The following NDST4 variants were observed in gnomAD, a reference collection of about 807,000 sequenced individuals.
NDST4 encodes the protein N-heparan sulfate sulfotransferase 4.
A neutral mutation model predicts 100.8 loss-of-function variants in NDST4; 63 were observed. The observed-to-expected ratio is 0.62, with a 90% CI of 0.51 to 0.77. The LOEUF (loss-of-function observed/expected upper bound fraction) is 0.77, where lower values mean the gene tolerates loss of function less well. Ranked by LOEUF, NDST4 falls within the 30% of genes least tolerant of loss-of-function variation. NDST4 has a pLI of 0.00. For synonymous variants in NDST4, 377 were observed against 361.8 expected (o/e 1.04, Z -0.48); for missense variants, 943 against 1,018.4 (o/e 0.93, Z 1.01).
rs1217530446 is a variant in NDST4 at position 114,870,827 on chromosome 4, C to G, written c.1660G>C (p.Val554Leu). The G allele has an allele frequency of 3.7e-6, 6 of 1,613,094 alleles. No homozygotes were observed. The highest frequency in any genetic ancestry group is 5.1e-6 in the Non-Finnish European group (6 of 1,179,388). ...TCAAAATACTGGTGGGCCAGTTGCACTGGAGGCAGAGTTTGCAATTTCAGG... is the reference window on the plus strand; with the variant it reads ...TCAAAATACTGGTGGGCCAGTTGCAGTGGAGGCAGAGTTTGCAATTTCAGG... ...TNLKLQTLPP[V>L]QLAHQYFELF... is the part of the protein sequence containing the mutation. Residue 554 changes from valine to leucine, a missense_variant, in exon 7 of 14, where the codon GTG (valine) becomes CTG (leucine). By Grantham distance (32) the Val-to-Leu change is conservative. Transcript: ENST00000264363.
intron 6 of NDST4, among the ~76,000 whole-genome samples, chr4:114,928,066 T>C (rs1240713096): frequency 6.6e-6 from 1 of 152,212 alleles, no homozygotes; most frequent in African/African-American, 2.4e-5. Flanking sequence ...CTCTGTTAAA[T>C]AGAAACATTC....
intron 2 of NDST4, among the ~76,000 whole-genome samples, chr4:115,042,412 G>A (rs116703258): frequency 0.012 from 1,801 of 152,092 alleles, 39 homozygotes; most frequent in African/African-American, 0.041. Flanking sequence ...TATTCACCTC[G>A]CTTTGCCTTA....
chr4:114,931,216 A>G (rs1725506092), intron 6 of NDST4, among the ~76,000 whole-genome samples: 1 of 151,550 alleles, frequency 6.6e-6, no homozygotes, highest in African/African-American at 2.4e-5. Context: ...TATAATATTT[A>G]ATTATTATAT....
chr4:114,835,701 G>A lies in NDST4; in HGVS notation c.2287-1986C>T, dbSNP rs117807566. Among the ~76,000 whole-genome samples the A allele has an allele frequency of 7.4e-4, 113 of 152,062 alleles. 1 individual carries two copies. In the East Asian group the frequency reaches 0.02, roughly 27 times the overall value. ...AATTTTCTGTCATTGTTCTAATATC[G>A]ACAGTGGGGTGTTAAAGTTTCCCAC... is the stretch of plus-strand genomic sequence containing the variant. On this transcript the variant is annotated intron_variant, in intron 11 of 13. Coordinates refer to ENST00000264363, the MANE Select transcript of NDST4 (RefSeq NM_022569.3).
At chr4:114,974,570 C>T (rs1726587932) in intron 3 of NDST4, among the ~76,000 whole-genome samples, 2 of 152,126 alleles carry the variant, frequency 1.3e-5, no homozygotes, top group African/African-American at 4.8e-5. Flanking sequence ...TATAATGTCT[C>T]CATTTCTCAA....
At chr4:114,848,103 C>T in intron 9 of NDST4, 112 bp downstream of exon 9, 1 of 872,890 alleles carries the variant, frequency 1.1e-6, no homozygotes, top group Non-Finnish European at 1.7e-6. Context: ...TTCTAATTCA[C>T]TGTGGTGAAT....
intron 1 of NDST4, among the ~76,000 whole-genome samples, chr4:115,110,283 G>T (rs1729918839): frequency 6.6e-6 from 1 of 151,864 alleles, no homozygotes; most frequent in South Asian, 2.1e-4. Context: ...CTGCATAACA[G>T]CATAGCTGAA....
chr4:115,030,380 G>C (rs1236137507), intron 2 of NDST4, among the ~76,000 whole-genome samples: 1 of 152,050 alleles, frequency 6.6e-6, no homozygotes, highest in Non-Finnish European at 1.5e-5. Flanking sequence ...AGTATTTTCA[G>C]ACTATTGTCT....
At chr4:115,017,740 C>A (rs1232590388) in intron 2 of NDST4, among the ~76,000 whole-genome samples, 10 of 151,828 alleles carry the variant, frequency 6.6e-5, no homozygotes, top group Non-Finnish European at 1.2e-4. Context: ...TATTTAGGAA[C>A]AAAAAGGCAA....
chr4:114,977,540 A>G (rs1455062534), intron 2 of NDST4, among the ~76,000 whole-genome samples: 2 of 151,974 alleles, frequency 1.3e-5, no homozygotes, highest in Non-Finnish European at 2.9e-5. Flanking sequence ...ACAGCACTGA[A>G]ATCATTTTTC....
At chr4:114,959,677 T>A (rs1052188900) in intron 4 of NDST4, among the ~76,000 whole-genome samples, 18 of 152,140 alleles carry the variant, frequency 1.2e-4, no homozygotes, top group African/African-American at 4.3e-4. Flanking sequence ...ACAAGAAATT[T>A]GAGCTAACAG....
intron 2 of NDST4, among the ~76,000 whole-genome samples, chr4:114,997,836 C>T (rs1309533666): frequency 6.6e-6 from 1 of 152,080 alleles, no homozygotes; most frequent in Non-Finnish European, 1.5e-5. Flanking sequence ...TTTCTGCCCA[C>T]TCCAACCATC....
chr4:115,086,392 G>C (rs1403654882), intron 1 of NDST4, among the ~76,000 whole-genome samples: 2 of 152,016 alleles, frequency 1.3e-5, no homozygotes, highest in African/African-American at 4.8e-5. Flanking sequence ...CTGCAGAAAT[G>C]ATCTTTTCTA....
chr4:115,047,547 C>T (rs543698733), intron 2 of NDST4, among the ~76,000 whole-genome samples: 6 of 151,824 alleles, frequency 4.0e-5, no homozygotes, highest in African/African-American at 4.8e-5. Context: ...ATTTTAATTC[C>T]GATAGCTTTG....
chr4:115,003,592 T>C (rs994590610), intron 2 of NDST4, among the ~76,000 whole-genome samples: 1 of 152,070 alleles, frequency 6.6e-6, no homozygotes, highest in Non-Finnish European at 1.5e-5. Context: ...TACTAGTACT[T>C]AGCGGTGGCT....
intron 2 of NDST4, among the ~76,000 whole-genome samples, chr4:115,046,814 T>C (rs1365624196): frequency 6.6e-6 from 1 of 152,160 alleles, no homozygotes; most frequent in Non-Finnish European, 1.5e-5. Flanking sequence ...CTCTGAAATA[T>C]TGCCCAATAA....
At chr4:114,967,851 C>T (rs564563790) in intron 4 of NDST4, among the ~76,000 whole-genome samples, 2 of 152,140 alleles carry the variant, frequency 1.3e-5, no homozygotes, top group East Asian at 3.9e-4. Flanking sequence ...TTAGAAAGGT[C>T]ATAATTGGTT....
chr4:115,045,890 T>G (rs535164682), intron 2 of NDST4, among the ~76,000 whole-genome samples: 4 of 152,292 alleles, frequency 2.6e-5, no homozygotes, highest in Admixed American at 2.0e-4. Context: ...GGGTGACTAC[T>G]AATTCTTGAA....
At chr4:115,088,950 A>C (rs1321590380) in intron 1 of NDST4, among the ~76,000 whole-genome samples, 1 of 152,102 alleles carries the variant, frequency 6.6e-6, no homozygotes, top group Non-Finnish European at 1.5e-5. Context: ...TATAACACAG[A>C]CATTTTAAAT....
Sources: gnomAD v4.1 joint callset for allele counts (sites outside exome capture counted in the v4.1 genomes callset) on GRCh38, gnomAD v4.1.1 for gene constraint, MANE v1.5 for transcripts, NCBI Gene and HGNC (gene_info 2026-07-23, HGNC 2026-07-21) for gene names.